Variants in SNAP91 observed in about 807,000 individuals in gnomAD.
The protein encoded by SNAP91 is clathrin coat assembly protein AP180.
In SNAP91, 27 loss-of-function variants were observed where a neutral mutation model predicts 100.3. That is an observed-to-expected ratio of 0.27 (90% CI 0.20 to 0.37). The LOEUF (loss-of-function observed/expected upper bound fraction) is 0.37. Ranked by LOEUF, SNAP91 falls within the 10% of genes least tolerant of loss-of-function variation. The pLI is 1.00. For missense variants in SNAP91, 986 were observed against 1,123.7 expected (o/e 0.88, Z 1.75); for synonymous variants, 404 against 398.6 (o/e 1.01, Z -0.16).
chr6:83,582,552 GATTTA>G (rs1210062039), intron 22 of SNAP91, among the ~76,000 whole-genome samples, 196 bp from the exon 23 acceptor site: 3 of 151,408 alleles, frequency 2.0e-5, no homozygotes, highest in East Asian at 1.9e-4. Flanking sequence ...ATTAATGAGA[GATTTA>G]ATTTAATTAG....
rs563974843 is a variant in SNAP91 at position 83,642,982 on chromosome 6, C to T, written c.659-1780G>A. Among the ~76,000 whole-genome samples the T allele has an allele frequency of 5.8e-4, 88 of 152,232 alleles. No homozygotes were observed. The South Asian group carries it at 0.013, about 22-fold the overall frequency. On this transcript the variant is annotated intron_variant, in intron 7 of 29. Transcript: ENST00000369694. ...TTCATGTGTCTGTTGGCTGCATAAA[C>T]GTCTTCTTTTGAGAAGTGTCTGTTC...
intron 3 of SNAP91, among the ~76,000 whole-genome samples, chr6:83,663,397 G>C (rs570829312): frequency 6.6e-6 from 1 of 152,096 alleles, no homozygotes; most frequent in Non-Finnish European, 1.5e-5. Context: ...TAAATATAAA[G>C]GAAAAGTCTT....
rs750956338 is a variant in SNAP91 at position 83,591,241 on chromosome 6, T to C, written c.1984A>G (p.Ser662Gly). 5 of 1,612,572 alleles carry C rather than the reference T, an allele frequency of 3.1e-6. No homozygotes were observed. The South Asian group carries it at 5.5e-5, about 18-fold the overall frequency. The change falls in exon 22 of 30, where the codon AGT becomes GGT. Residue 662 changes from serine (S) to glycine (G), a missense_variant. Physicochemically the swap from Ser to Gly is moderately conservative, Grantham distance 56 (BLOSUM62 0). Around this residue, in one of 4 missense-constraint regions of SNAP91, gnomAD observed 575 missense variants for 579.9 expected, o/e 0.99. Transcript: ENST00000369694. The part of the protein sequence containing the change: ...EPQPASQAAS[S>G]SSASADLLAG... ...AGTAGGTCTGCCGATGCTGATGAACTAGAAGCAGCCTGAGATGCAGGTTGG... is the reference window on the plus strand; with the variant it reads ...AGTAGGTCTGCCGATGCTGATGAACCAGAAGCAGCCTGAGATGCAGGTTGG...
intron 2 of SNAP91, among the ~76,000 whole-genome samples, chr6:83,706,414 C>A (rs1270756660): frequency 3.3e-5 from 5 of 152,234 alleles, no homozygotes; most frequent in Admixed American, 3.3e-4. Flanking sequence ...CTGGTGGCCT[C>A]TTTCATCCTG....
At chr6:83,623,211 T>C (rs1451084452) in intron 9 of SNAP91, 90 bp downstream of exon 9, 3 of 1,030,536 alleles carry the variant, frequency 2.9e-6, no homozygotes, top group Non-Finnish European at 4.4e-6. Flanking sequence ...TCAAAATGCA[T>C]GAAATGCTTA....
At chr6:83,649,134 A>C (rs2098088183) in intron 7 of SNAP91, among the ~76,000 whole-genome samples, 1 of 152,232 alleles carries the variant, frequency 6.6e-6, no homozygotes, top group South Asian at 2.1e-4. Flanking sequence ...AAATTACTCC[A>C]AAATTTAGCA....
intron 2 of SNAP91, among the ~76,000 whole-genome samples, chr6:83,674,666 G>A (rs1282222022): frequency 6.6e-6 from 1 of 152,144 alleles, no homozygotes; most frequent in Non-Finnish European, 1.5e-5. Context: ...AATTCTAGTA[G>A]TGTCTTCCTG....
At chr6:83,705,285 T>C (rs1034625888) in intron 2 of SNAP91, among the ~76,000 whole-genome samples, 4 of 152,226 alleles carry the variant, frequency 2.6e-5, no homozygotes, top group Non-Finnish European at 4.4e-5. Context: ...AATTAAAATA[T>C]TTTCATTCAA....
rs1562308716 is a variant in SNAP91 at position 83,605,718 on chromosome 6, G to T, written c.1108C>A (p.Pro370Thr). 2 of 1,552,318 alleles carry T rather than the reference G, an allele frequency of 1.3e-6. No individual in the cohort carries two copies. Among genetic ancestry groups the T allele is most frequent in the Admixed American group, 3.9e-5 (2 of 51,130 alleles). ...GAAAAAAPAP[P>T]PPAGGATAWG... is the part of the protein sequence containing the mutation. ...GCAGTGGCTCCTCCAGCAGGTGGTG[G>T]TGGTGCTGGTGCTGCGGCTGCTGCT... Residue 370 changes from proline (P) to threonine (T), a missense_variant, in exon 14 of 30, where the codon CCA becomes ACA. By Grantham distance (38) the Pro-to-Thr change is conservative (BLOSUM62 -1). Transcript: ENST00000369694.
At chr6:83,595,438 A>C (rs1009795997) in intron 16 of SNAP91, among the ~76,000 whole-genome samples, 1 of 152,234 alleles carries the variant, frequency 6.6e-6, no homozygotes, top group Admixed American at 6.5e-5. Context: ...CCCATTTTAC[A>C]AATGGCTGAT....
At chr6:83,587,629 T>A (rs529516752) in intron 22 of SNAP91, among the ~76,000 whole-genome samples, 1 of 152,334 alleles carries the variant, frequency 6.6e-6, no homozygotes, top group Admixed American at 6.5e-5. Flanking sequence ...GCCCCAAATA[T>A]TTGTCCTACT....
chr6:83,643,697 A>G (rs937150405), intron 7 of SNAP91, among the ~76,000 whole-genome samples: 1 of 152,204 alleles, frequency 6.6e-6, no homozygotes, highest in South Asian at 2.1e-4. Flanking sequence ...GTAATATATA[A>G]TTACACAAAG....
At chr6:83,601,178 G>T in intron 16 of SNAP91, 93 bp downstream of exon 16, 1 of 1,062,888 alleles carries the variant, frequency 9.4e-7, no homozygotes, top group Non-Finnish European at 1.4e-6. Flanking sequence ...ACTCTGACAT[G>T]CTGTTACATA....
At chr6:83,603,587 GAAAAT>G (rs2095423324) in intron 14 of SNAP91, among the ~76,000 whole-genome samples, 1 of 148,782 alleles carries the variant, frequency 6.7e-6, no homozygotes, top group African/African-American at 2.5e-5. Flanking sequence ...GCTAAAATTT[GAAAAT>G]AAAATAAAAG....
chr6:83,559,969 C>G, intron 28 of SNAP91, 135 bp downstream of exon 28: 1 of 725,388 alleles, frequency 1.4e-6, no homozygotes, highest in Non-Finnish European at 2.4e-6. Context: ...GATCTGTCTT[C>G]CAAGCTCCCT....
rs570218214 is a variant in SNAP91 at position 83,579,758 on chromosome 6, C to T, written c.2299+692G>A. Reference sequence around the variant, plus strand: ...ACTATTTCATTTTCCTGCAGATGTCCTTCTTTAGATCATCACGTAGTTTAC... The same window carrying T: ...ACTATTTCATTTTCCTGCAGATGTCTTTCTTTAGATCATCACGTAGTTTAC... On this transcript the variant is annotated intron_variant, in intron 24 of 29. Transcript: ENST00000369694. 1.3e-3 allele frequency among the ~76,000 whole-genome samples: 195 copies of T among 152,222 alleles called. 1 individual carries two copies. The highest frequency in any genetic ancestry group is 4.5e-3 in the African/African-American group (187 of 41,548).
Position 83,707,894 on chromosome 6 carries a change from C to T in SNAP91, c.34G>A (p.Ala12Thr). ...GAGCCTGTAACGCTGTACTGAGCGG[C>T]GGCGATCCGATCCGTGAGCGTTTGG... ...SGQTLTDRIA[A>T]AQYSVTGSAV... is the part of the protein sequence containing the mutation. The change falls in exon 2 of 30, where the codon GCC becomes ACC. Residue 12 changes from alanine (A) to threonine (T), a missense_variant. Physicochemically the swap from Ala to Thr is moderately conservative, Grantham distance 58. This residue lies in a region of SNAP91 where 330 missense variants were observed against 447.5 expected (regional missense o/e 0.74). Transcript: ENST00000369694. 6.3e-7 allele frequency: 1 copy of T among 1,595,962 alleles called. No individual in the cohort carries two copies.
At chr6:83,557,869 T>C (rs1781166964) in intron 28 of SNAP91, among the ~76,000 whole-genome samples, 1 of 151,914 alleles carries the variant, frequency 6.6e-6, no homozygotes. Flanking sequence ...AGTCCAGGCA[T>C]CAGTAATAAA....
At chr6:83,707,398 T>A (rs892715583) in intron 2 of SNAP91, among the ~76,000 whole-genome samples, 3 of 151,358 alleles carry the variant, frequency 2.0e-5, no homozygotes, top group Non-Finnish European at 4.4e-5. Context: ...CATAAATTCA[T>A]CTTTTTTTTT....
Sources: gnomAD v4.1 joint callset for allele counts (sites outside exome capture counted in the v4.1 genomes callset) on GRCh38, gnomAD v4.1.1 for gene constraint, gnomAD v4.1.1 regional missense constraint, MANE v1.5 for transcripts, NCBI Gene and HGNC (gene_info 2026-07-23, HGNC 2026-07-21) for gene names.